The following CDH8 variants were observed in gnomAD, a reference collection of about 807,000 sequenced individuals.
CDH8 encodes cadherin 8.
CDH8 carries 17 observed loss-of-function variants against 68.1 expected under a neutral mutation model. The observed-to-expected ratio is 0.25, with a 90% CI of 0.17 to 0.37. The LOEUF is 0.37. Ranked by LOEUF, CDH8 falls within the 10% of genes least tolerant of loss-of-function variation. The pLI, the probability that CDH8 is intolerant of heterozygous loss-of-function variation, is 1.00. For missense variants in CDH8, 763 were observed against 999.3 expected, an observed-to-expected ratio of 0.76 and a Z score of 3.19; for synonymous variants, 372 against 365.1, an observed-to-expected ratio of 1.02 and a Z score of -0.21.
chr16:61,711,939 G>A (rs1053233803), intron 10 of CDH8, among the ~76,000 whole-genome samples: 3 of 151,536 alleles, frequency 2.0e-5, no homozygotes, highest in Admixed American at 2.0e-4. Flanking sequence ...CATGATGTAT[G>A]GAGTACTCTT....
At chr16:61,780,565 C>G (rs575572422) in intron 8 of CDH8, among the ~76,000 whole-genome samples, 2 of 152,310 alleles carry the variant, frequency 1.3e-5, no homozygotes, top group African/African-American at 4.8e-5. Context: ...AAATTGTTCT[C>G]CCTGGAATGA....
At chr16:61,989,815 G>A (rs778645152) in intron 2 of CDH8, among the ~76,000 whole-genome samples, 3 of 120,310 alleles carry the variant, frequency 2.5e-5, no homozygotes, top group South Asian at 3.3e-4. Context: ...TTGAGATTAC[G>A]CTAAGGGTAC....
At chr16:61,691,027 T>C (rs1964212395) in intron 10 of CDH8, among the ~76,000 whole-genome samples, 1 of 152,078 alleles carries the variant, frequency 6.6e-6, no homozygotes. Context: ...ATTCTCCTTG[T>C]ATATCTGGCT....
intron 3 of CDH8, 73 bp from the exon 4 acceptor site, chr16:61,857,311 T>A: frequency 7.4e-7 from 1 of 1,342,956 alleles, no homozygotes; most frequent in South Asian, 1.3e-5. Context: ...TTTTGTCAAG[T>A]ATTTTATACA....
At chr16:62,035,686 C>T (rs532195494) in intron 1 of CDH8, among the ~76,000 whole-genome samples, 1 of 152,268 alleles carries the variant, frequency 6.6e-6, no homozygotes, top group South Asian at 2.1e-4. Flanking sequence ...AGGTGCTTCC[C>T]ATTCACCGCA....
chr16:61,772,101 A>G (rs1960792587), intron 8 of CDH8, among the ~76,000 whole-genome samples: 1 of 151,950 alleles, frequency 6.6e-6, no homozygotes, highest in African/African-American at 2.4e-5. Flanking sequence ...AGGTTTCTAA[A>G]TATCCAAATT....
intron 2 of CDH8, among the ~76,000 whole-genome samples, chr16:61,963,077 A>C (rs1965187377): frequency 6.6e-6 from 1 of 152,178 alleles, no homozygotes; most frequent in African/African-American, 2.4e-5. Flanking sequence ...TCTCTGCCTA[A>C]GTTCATTCCA....
intron 10 of CDH8, among the ~76,000 whole-genome samples, chr16:61,710,471 A>G (rs12597987): frequency 0.048 from 7,266 of 152,096 alleles, 455 homozygotes; most frequent in East Asian, 0.24. Flanking sequence ...ATTTAAAGTA[A>G]GCTTCTTATC....
intron 6 of CDH8, among the ~76,000 whole-genome samples, chr16:61,818,715 G>C (rs942466234): frequency 1.3e-5 from 2 of 152,258 alleles, no homozygotes; most frequent in East Asian, 3.9e-4. Flanking sequence ...AAGAATGCAA[G>C]TCTGTCGAGG....
intron 2 of CDH8, among the ~76,000 whole-genome samples, chr16:61,917,546 G>A (rs1964262950): frequency 6.6e-6 from 1 of 152,126 alleles, no homozygotes; most frequent in Admixed American, 6.5e-5. Flanking sequence ...CATCCACCCT[G>A]TGCAGCATTA....
intron 7 of CDH8, among the ~76,000 whole-genome samples, chr16:61,806,559 C>T (rs1278933231): frequency 2.2e-4 from 29 of 132,940 alleles, no homozygotes; most frequent in South Asian, 5.6e-4. Flanking sequence ...AGAAAATTTT[C>T]GCAACCTACT....
At chr16:61,894,797 A>C (rs1306898532) in intron 3 of CDH8, among the ~76,000 whole-genome samples, 1 of 152,138 alleles carries the variant, frequency 6.6e-6, no homozygotes, top group East Asian at 1.9e-4. Flanking sequence ...TCATATACTG[A>C]CTTCTATAAC....
chr16:62,017,228 G>A (rs543201166), intron 2 of CDH8, among the ~76,000 whole-genome samples: 21 of 152,196 alleles, frequency 1.4e-4, no homozygotes, highest in African/African-American at 4.3e-4. Context: ...TGCGGAACTT[G>A]CATCCTAGAA....
At chr16:62,001,047 C>T (rs62052047) in intron 2 of CDH8, among the ~76,000 whole-genome samples, 1 of 152,274 alleles carries the variant, frequency 6.6e-6, no homozygotes, top group East Asian at 1.9e-4. Context: ...ATGGTAACTG[C>T]TGTTCATTGA....
At chr16:61,674,458 A>C (rs1296639466) in intron 10 of CDH8, among the ~76,000 whole-genome samples, 5 of 145,384 alleles carry the variant, frequency 3.4e-5, no homozygotes, top group African/African-American at 5.4e-5. Flanking sequence ...CAACTCACAA[A>C]AAAAAAAAAA....
rs79182918 is a variant in CDH8, at chr16:61,946,391, G to C, written c.253-44918C>G. 1.0e-3 allele frequency among the ~76,000 whole-genome samples: 153 copies of C among 152,322 alleles called. 3 individuals carry two copies. Among genetic ancestry groups the C allele is most frequent in the East Asian group, 9.1e-3 (47 of 5,184 alleles). On this transcript the variant is annotated intron_variant, in intron 2 of 11. Coordinates refer to ENST00000577390, the MANE Select transcript of CDH8 (RefSeq NM_001796.5). ...GGAACTCACAAGAATTGAAGATTGTGTGTCTTTCATGGTGCCTAACAGAAT... is the reference window on the plus strand; with the variant it reads ...GGAACTCACAAGAATTGAAGATTGTCTGTCTTTCATGGTGCCTAACAGAAT...
At chr16:61,682,722 G>A (rs1055032691) in intron 10 of CDH8, among the ~76,000 whole-genome samples, 1 of 151,606 alleles carries the variant, frequency 6.6e-6, no homozygotes. Flanking sequence ...TGCTTGTTCT[G>A]TCCAAGAAGC....
At chr16:61,813,411 A>G (rs1248346328) in intron 7 of CDH8, among the ~76,000 whole-genome samples, 4 of 152,180 alleles carry the variant, frequency 2.6e-5, no homozygotes, top group African/African-American at 9.7e-5. Context: ...TTAAATGGGT[A>G]TAACCGAGAC....
intron 9 of CDH8, 58 bp from the exon 10 acceptor site, chr16:61,714,016 G>T (rs1964677218): frequency 2.0e-6 from 2 of 1,013,216 alleles, no homozygotes; most frequent in Non-Finnish European, 3.1e-6. Context: ...CCTGCCATCG[G>T]TAAAAGCTTA....
Sources: allele counts gnomAD v4.1 joint callset (sites outside exome capture counted in the v4.1 genomes callset), GRCh38; gene constraint gnomAD v4.1.1; transcripts MANE v1.5; gene names NCBI Gene and HGNC (gene_info 2026-07-23, HGNC 2026-07-21).